ATRNL1: variants seen among roughly 807,000 people sequenced by gnomAD.
The protein encoded by ATRNL1 is attractin like 1.
ATRNL1 carries 95 observed loss-of-function variants against 182.7 expected under a neutral mutation model. That is an observed-to-expected ratio of 0.52 (90% CI 0.44 to 0.62). ATRNL1 has a LOEUF of 0.62. Among genes scored for constraint, ATRNL1 ranks in the 20% least tolerant of loss-of-function variants. The pLI, the probability that ATRNL1 is intolerant of heterozygous loss-of-function variation, is 0.00. For missense variants in ATRNL1, 1,471 were observed against 1,679.5 expected (o/e 0.88, Z 2.17); for synonymous variants, 576 against 568.3 (o/e 1.01, Z -0.19).
In ATRNL1 at chr10:115,151,552, C is replaced by T. The variant is rs1320992638; in HGVS notation, c.830-8488C>T. ...GAAGTGTCTGTTCATATCCTTCGCCCACTTTTTGATGGGGTTGTTTTTTTC... is the reference window on the plus strand; with the variant it reads ...GAAGTGTCTGTTCATATCCTTCGCCTACTTTTTGATGGGGTTGTTTTTTTC... On this transcript the variant is annotated intron_variant, in intron 5 of 28. Coordinates refer to ENST00000355044, the MANE Select transcript of ATRNL1 (RefSeq NM_207303.4). Among the ~76,000 whole-genome samples the T allele has an allele frequency of 5.3e-5, 8 of 152,160 alleles. No individual in the cohort carries two copies. The East Asian group carries it at 1.5e-3, about 29-fold the overall frequency.
intron 26 of ATRNL1, among the ~76,000 whole-genome samples, chr10:115,722,227 A>G (rs1346916921): frequency 2.6e-5 from 4 of 151,452 alleles, no homozygotes; most frequent in African/African-American, 7.3e-5. Context: ...CAAACACAGC[A>G]TATTGCCGGC....
At chr10:115,531,258 T>G (rs1380921546) in intron 25 of ATRNL1, among the ~76,000 whole-genome samples, 5 of 152,032 alleles carry the variant, frequency 3.3e-5, no homozygotes, top group Admixed American at 1.3e-4. Flanking sequence ...TGTAAAAGTG[T>G]TCCTATTTCT....
chr10:115,923,593 T>C (rs1288705988), intron 28 of ATRNL1, among the ~76,000 whole-genome samples: 1 of 152,178 alleles, frequency 6.6e-6, no homozygotes, highest in Non-Finnish European at 1.5e-5. Context: ...TGATCTCGTT[T>C]TTATGGCTGT....
intron 5 of ATRNL1, among the ~76,000 whole-genome samples, chr10:115,139,838 C>G (rs564743786): frequency 3.9e-5 from 6 of 152,308 alleles, no homozygotes; most frequent in Admixed American, 1.3e-4. Context: ...ATAAGCTTTT[C>G]CCTTCTTTTA....
intron 26 of ATRNL1, among the ~76,000 whole-genome samples, chr10:115,722,667 ATT>A (rs1309431707): frequency 6.6e-6 from 1 of 152,160 alleles, no homozygotes; most frequent in Non-Finnish European, 1.5e-5. Context: ...TGACAAAATC[ATT>A]TTGAGTGCTC....
intron 27 of ATRNL1, among the ~76,000 whole-genome samples, chr10:115,729,498 TG>T: frequency 5.0e-5 from 1 of 19,924 alleles, no homozygotes; most frequent in African/African-American, 8.2e-5. Context: ...CCCCATTTTG[TG>T]TGTGTGTGTG....
chr10:115,247,642 A>T (rs1032090227), intron 10 of ATRNL1, among the ~76,000 whole-genome samples: 1 of 152,214 alleles, frequency 6.6e-6, no homozygotes, highest in African/African-American at 2.4e-5. Context: ...AAATAGAACT[A>T]TTATACGATC....
intron 5 of ATRNL1, among the ~76,000 whole-genome samples, chr10:115,135,784 T>C (rs1040861356): frequency 2.6e-5 from 4 of 152,226 alleles, no homozygotes; most frequent in African/African-American, 7.2e-5. Flanking sequence ...CTTCAAAGTA[T>C]GTTAAGTCTT....
chr10:115,883,658 A>C (rs1951878766), intron 28 of ATRNL1, among the ~76,000 whole-genome samples: 1 of 152,236 alleles, frequency 6.6e-6, no homozygotes, highest in Admixed American at 6.5e-5. Flanking sequence ...TTTCATATGA[A>C]GTTTTTTAAA....
At chr10:115,653,256 A>G (rs1270806453) in intron 26 of ATRNL1, among the ~76,000 whole-genome samples, 7 of 152,202 alleles carry the variant, frequency 4.6e-5, no homozygotes, top group Admixed American at 2.6e-4. Context: ...GTAAGTTTTC[A>G]TCTGAAATTG....
chr10:115,921,402 G>A (rs782492974), intron 28 of ATRNL1, among the ~76,000 whole-genome samples: 3 of 152,114 alleles, frequency 2.0e-5, no homozygotes, highest in Non-Finnish European at 4.4e-5. Context: ...ACAACTTTTT[G>A]TATGTCAGTC....
At chr10:115,389,392 A>G (rs183774988) in intron 19 of ATRNL1, among the ~76,000 whole-genome samples, 5 of 150,842 alleles carry the variant, frequency 3.3e-5, no homozygotes, top group Admixed American at 2.6e-4. Context: ...GGGTGCTTGT[A>G]ATCCCAGCTA....
chr10:115,102,341 C>T (rs879988399), intron 1 of ATRNL1, among the ~76,000 whole-genome samples: 6 of 151,972 alleles, frequency 3.9e-5, no homozygotes, highest in Admixed American at 3.3e-4. Context: ...TATTTTTTGA[C>T]TCTTTTCTGT....
intron 26 of ATRNL1, among the ~76,000 whole-genome samples, chr10:115,558,873 T>G (rs1430118361): frequency 3.9e-5 from 6 of 152,114 alleles, no homozygotes; most frequent in Admixed American, 6.6e-5. Flanking sequence ...TCCTACCCCC[T>G]TCTAGCTCAC....
At chr10:115,859,389 T>C (rs1264895000) in intron 28 of ATRNL1, among the ~76,000 whole-genome samples, 3 of 152,022 alleles carry the variant, frequency 2.0e-5, no homozygotes, top group Non-Finnish European at 4.4e-5. Context: ...CTCATATTTA[T>C]TGTAACATGT....
chr10:115,292,405 AT>A (rs148536022), intron 15 of ATRNL1, among the ~76,000 whole-genome samples: 2,122 of 144,694 alleles, frequency 0.015, 44 homozygotes, highest in African/African-American at 0.05. Flanking sequence ...CTAATTTTGG[AT>A]TTTTTTTTTC....
At chr10:115,293,187 T>C (rs962528660) in intron 15 of ATRNL1, among the ~76,000 whole-genome samples, 1 of 152,160 alleles carries the variant, frequency 6.6e-6, no homozygotes, top group Non-Finnish European at 1.5e-5. Context: ...TCACTTTTGC[T>C]TTCTGTTTGC....
At chr10:115,152,217 G>A (rs1417591817) in intron 5 of ATRNL1, among the ~76,000 whole-genome samples, 1 of 152,126 alleles carries the variant, frequency 6.6e-6, no homozygotes, top group Non-Finnish European at 1.5e-5. Flanking sequence ...GGTTCCATAT[G>A]AACTTTAAAG....
intron 7 of ATRNL1, among the ~76,000 whole-genome samples, chr10:115,168,477 T>C (rs376948112): frequency 2.0e-5 from 3 of 152,130 alleles, no homozygotes; most frequent in South Asian, 2.1e-4. Context: ...CCAACACTTA[T>C]TAGTATCTGC....
Sources: gnomAD v4.1 joint callset for allele counts (sites outside exome capture counted in the v4.1 genomes callset) on GRCh38, gnomAD v4.1.1 for gene constraint, MANE v1.5 for transcripts, NCBI Gene and HGNC (gene_info 2026-07-23, HGNC 2026-07-21) for gene names.